The following DLG5 variants were observed in gnomAD, a reference collection of about 807,000 sequenced individuals.
DLG5 encodes the protein discs large MAGUK scaffold protein 5.
DLG5 carries 48 observed loss-of-function variants against 189.8 expected under a neutral mutation model. That is an observed-to-expected ratio of 0.25 (90% CI 0.20 to 0.32). The LOEUF (loss-of-function observed/expected upper bound fraction) is 0.32, where lower values mean the gene tolerates loss of function less well. Ranked by LOEUF, DLG5 falls within the 10% of genes least tolerant of loss-of-function variation. The pLI is 1.00. For missense variants in DLG5, 2,160 were observed against 2,544.7 expected, an observed-to-expected ratio of 0.85 and a Z score of 3.25; for synonymous variants, 1,016 against 1,054.1, an observed-to-expected ratio of 0.96 and a Z score of 0.70.
At chr10:77,862,483 T>C (rs1203930120) in intron 2 of DLG5, among the ~76,000 whole-genome samples, 1 of 152,218 alleles carries the variant, frequency 6.6e-6, no homozygotes, top group Non-Finnish European at 1.5e-5. Flanking sequence ...TTCTCAAAAC[T>C]GGAATTCTCA....
intron 1 of DLG5, among the ~76,000 whole-genome samples, chr10:77,870,914 T>C (rs1327732082): frequency 1.3e-5 from 2 of 151,406 alleles, no homozygotes; most frequent in African/African-American, 2.4e-5. Context: ...GGCAGAGAGA[T>C]AGACTGCAGG....
chr10:77,883,041 T>C (rs1377346909), intron 1 of DLG5, among the ~76,000 whole-genome samples: 5 of 152,166 alleles, frequency 3.3e-5, no homozygotes, highest in Non-Finnish European at 7.4e-5. Context: ...ACGCTGACTT[T>C]CATTACTATG....
At position 77,796,403 on chromosome 10, in the gene DLG5, T is replaced by C. The variant is rs959617796; in HGVS notation, c.5308+48A>G. The C allele has an allele frequency of 6.8e-6, 11 of 1,613,632 alleles. No homozygotes were observed. The highest frequency in any genetic ancestry group is 2.2e-5 in the East Asian group (1 of 44,878). On this transcript the variant is annotated intron_variant, in intron 28 of 31. Coordinates refer to ENST00000372391, the MANE Select transcript of DLG5 (RefSeq NM_004747.4). The surrounding 1 kb of genome is among the most constrained non-coding windows in gnomAD (Gnocchi z 5.2). ...CTGGGCAGGCAGGTGGACAGGGACATAGAGACAAAGAGCCCAGTAGGCACA... is the reference window on the plus strand; with the variant it reads ...CTGGGCAGGCAGGTGGACAGGGACACAGAGACAAAGAGCCCAGTAGGCACA...
intron 1 of DLG5, among the ~76,000 whole-genome samples, chr10:77,919,466 T>G (rs2131862825): frequency 6.7e-6 from 1 of 148,960 alleles, no homozygotes; most frequent in South Asian, 2.2e-4. Flanking sequence ...CCGTCAATGC[T>G]CAACCTCTTC....
At chr10:77,841,840 G>A (rs770906835) in intron 7 of DLG5, 41 bp downstream of exon 7, 1 of 1,582,306 alleles carries the variant, frequency 6.3e-7, no homozygotes, top group South Asian at 1.2e-5. Context: ...CCGGGATGCT[G>A]TAGGAGAGGC....
Position 77,806,817 on chromosome 10 carries a change from A to G in DLG5, c.4908T>C (p.Ala1636=). The G allele has an allele frequency of 6.2e-7, 1 of 1,613,962 alleles. No individual in the cohort carries two copies. The highest frequency in any genetic ancestry group is 8.5e-7 in the Non-Finnish European group (1 of 1,179,918). Residue 1636 remains alanine (A), a synonymous_variant, in exon 26 of 32, where the codon GCT becomes GCC. Transcript: ENST00000372391. ...LPQGTFGSWM[A]WQLDENAQKI... is the part of the protein sequence containing the mutation. The stretch of plus-strand genomic sequence containing the variant: ...TCTGGGCATTCTCGTCCAGCTGCCA[A>G]GCCATCCAGGACCCGAACGTGCCCT...
At chr10:77,939,507 C>T in the DLG5 span, among the ~76,000 whole-genome samples, 3 of 152,202 alleles carry the variant, frequency 2.0e-5, no homozygotes, top group Non-Finnish European at 2.9e-5. Flanking sequence ...TATTGTTCCT[C>T]CTTTTCTCCA....
At chr10:77,806,699 T>G in intron 26 of DLG5, 59 bp downstream of exon 26, 3 of 1,489,228 alleles carry the variant, frequency 2.0e-6, no homozygotes, top group South Asian at 2.4e-5. Context: ...GACAGCTCCA[T>G]GGCTGGTGGC....
chr10:77,807,078 A>G lies in DLG5; in HGVS notation c.4797-150T>C, dbSNP rs1841515019. The G allele has an allele frequency of 5.9e-6, 5 of 848,336 alleles. No homozygotes were observed. The East Asian group carries it at 1.3e-4, about 23-fold the overall frequency. 52.6% of individuals were successfully genotyped at this position (848,336 alleles called of 1,614,324 possible). On this transcript the variant is annotated intron_variant, in intron 25 of 31. Transcript: ENST00000372391. ...GAATCGCCGAGGGTGGTGATTCTCAAAGTGGGGAGCCCTGTGTTTTACATA... is the reference window on the plus strand; with the variant it reads ...GAATCGCCGAGGGTGGTGATTCTCAGAGTGGGGAGCCCTGTGTTTTACATA...
chr10:77,935,898 C>T, the DLG5 span, among the ~76,000 whole-genome samples: 2,780 of 152,202 alleles, frequency 0.018, 45 homozygotes, highest in South Asian at 0.037. Context: ...AAAAGGATTT[C>T]CTTCCAGAGT....
intron 1 of DLG5, among the ~76,000 whole-genome samples, chr10:77,872,290 T>C (rs1167923821): frequency 1.3e-5 from 2 of 152,220 alleles, no homozygotes; most frequent in Non-Finnish European, 2.9e-5. Context: ...TCCTCCCCTG[T>C]GGCAAGTTTC....
chr10:77,864,348 G>A (rs1035918195), intron 2 of DLG5, among the ~76,000 whole-genome samples: 10 of 152,188 alleles, frequency 6.6e-5, no homozygotes, highest in Non-Finnish European at 8.8e-5. Flanking sequence ...CTGGCTGCCC[G>A]GGAGAGGCAA....
chr10:77,868,113 G>A, intron 2 of DLG5: 1 of 455,916 alleles, frequency 2.2e-6, no homozygotes, highest in Middle Eastern at 3.9e-4. Context: ...CTTTGATCTT[G>A]GGCTTCTGTC....
At position 77,897,815 on chromosome 10, in the gene DLG5, G is replaced by A. The variant is rs560124670; in HGVS notation, c.304+28402C>T. ...TAGAATTAAAGAAAAAAAAAAGGAT[G>A]TGGTTCCCAAAATGAGGGCCTATAC... is the stretch of plus-strand genomic sequence containing the variant. On this transcript the variant is annotated intron_variant, in intron 1 of 31. Coordinates refer to ENST00000372391, the MANE Select transcript of DLG5 (RefSeq NM_004747.4). Among the ~76,000 whole-genome samples, 4 of 152,148 alleles carry A rather than the reference G, an allele frequency of 2.6e-5. No individual in the cohort carries two copies. In the East Asian group the frequency reaches 5.8e-4, roughly 22 times the overall value.
At chr10:77,801,728 C>T (rs1671211052) in intron 27 of DLG5, among the ~76,000 whole-genome samples, 1 of 152,218 alleles carries the variant, frequency 6.6e-6, no homozygotes, top group Admixed American at 6.5e-5. Context: ...CGGGTGGTGG[C>T]ACTGCCTTCA....
intron 1 of DLG5, among the ~76,000 whole-genome samples, chr10:77,876,367 ATC>A (rs1230846364): frequency 1.5e-5 from 2 of 134,680 alleles, no homozygotes; most frequent in East Asian, 4.4e-4. Context: ...GCAAGACCCC[ATC>A]TCTCTTTTTT....
At chr10:77,877,604 A>G (rs1845140672) in intron 1 of DLG5, among the ~76,000 whole-genome samples, 1 of 152,152 alleles carries the variant, frequency 6.6e-6, no homozygotes, top group African/African-American at 2.4e-5. Flanking sequence ...TAAGACCATC[A>G]AACCTGACAC....
chr10:77,917,025 A>G (rs1484049443), intron 1 of DLG5, among the ~76,000 whole-genome samples: 2 of 151,724 alleles, frequency 1.3e-5, no homozygotes, highest in African/African-American at 2.4e-5. Context: ...TCACAAAAAG[A>G]CAAATCTGTA....
rs752038635 is a variant in DLG5 at position 77,821,906 on chromosome 10, G to C, written c.2578C>G (p.Pro860Ala). The change falls in exon 15 of 32, where the codon CCC (proline) becomes GCC (alanine). Residue 860 changes from proline (P) to alanine (A), a missense_variant. Transcript: ENST00000372391. Reference sequence around the variant, plus strand: ...AGAAAGGAGCTGCTGCCTCCTGGGGGGCCTGGCTCCTTCCTGTCTTCCAGC... The same window carrying C: ...AGAAAGGAGCTGCTGCCTCCTGGGGCGCCTGGCTCCTTCCTGTCTTCCAGC... ...DRLEDRKEPG[P>A]PGGSSSFLHK... 14 of 1,614,116 alleles carry C rather than the reference G, an allele frequency of 8.7e-6. No homozygotes were observed. The South Asian group carries it at 9.9e-5, about 11-fold the overall frequency.
Sources: gnomAD v4.1 joint callset for allele counts (sites outside exome capture counted in the v4.1 genomes callset) on GRCh38, gnomAD v4.1.1 for gene constraint, Gnocchi (gnomAD v3.1) non-coding constraint, MANE v1.5 for transcripts, NCBI Gene and HGNC (gene_info 2026-07-23, HGNC 2026-07-21) for gene names.